MEIS1: variants seen among roughly 807,000 people sequenced by gnomAD.
MEIS1 encodes the protein homeobox protein Meis1.
MEIS1 carries 5 observed loss-of-function variants against 50.8 expected under a neutral mutation model. The ratio of observed to expected loss-of-function variants is 0.10; its 90% CI spans 0.05 to 0.21. The LOEUF is 0.21. Among genes scored for constraint, MEIS1 ranks in the 10% least tolerant of loss-of-function variants. The pLI, the probability that MEIS1 is intolerant of heterozygous loss-of-function variation, is 1.00. For synonymous variants in MEIS1, 176 were observed against 179.3 expected (o/e 0.98, Z 0.15); for missense variants, 318 against 517.3 (o/e 0.61, Z 3.74).
At chr2:66,489,166 A>G (rs1298031886) in intron 7 of MEIS1, among the ~76,000 whole-genome samples, 2 of 152,214 alleles carry the variant, frequency 1.3e-5, no homozygotes, top group African/African-American at 4.8e-5. Flanking sequence ...GATCACCTTC[A>G]TTTAATCCTC....
At chr2:66,510,051 A>T (rs1191345326) in intron 7 of MEIS1, among the ~76,000 whole-genome samples, 1 of 152,192 alleles carries the variant, frequency 6.6e-6, no homozygotes, top group Non-Finnish European at 1.5e-5. Flanking sequence ...TTCATTTTTA[A>T]TCAATGATCA....
In MEIS1 at chr2:66,458,142, A is replaced by T. The variant is rs552845707; in HGVS notation, c.631-5967A>T. On this transcript the variant is annotated intron_variant, in intron 6 of 12. Coordinates refer to ENST00000272369, the MANE Select transcript of MEIS1 (RefSeq NM_002398.3). The stretch of plus-strand genomic sequence containing the variant: ...TTTTGAATGGGACCAGTAGTGTAGA[A>T]GTTTTGAAGAAAAAAAAACTCTATT... 1.4e-4 allele frequency among the ~76,000 whole-genome samples: 22 copies of T among 152,218 alleles called. No homozygotes were observed. The South Asian group carries it at 4.2e-3, about 29-fold the overall frequency.
rs377461971 is a variant in MEIS1 at position 66,511,889 on chromosome 2, AG to A, written c.743-256del. On this transcript the variant is annotated intron_variant, in intron 7 of 12. Transcript: ENST00000272369. ...TAATTACCATAGCAACAAAGCCACAAGGGGATTGGATATTTCCCTCCATTCC... is the reference window on the plus strand; with the variant it reads ...TAATTACCATAGCAACAAAGCCACAAGGGATTGGATATTTCCCTCCATTCC... 3.8e-3 allele frequency among the ~76,000 whole-genome samples: 577 copies of A among 152,304 alleles called. 5 individuals are homozygous for A. Among genetic ancestry groups the A allele is most frequent in the African/African-American group, 0.013 (554 of 41,578 alleles).
chr2:66,462,591 C>T (rs964897061), intron 6 of MEIS1, among the ~76,000 whole-genome samples: 7 of 152,196 alleles, frequency 4.6e-5, no homozygotes, highest in African/African-American at 1.2e-4. Flanking sequence ...TCTGAATAAA[C>T]AAGTCCCCCT....
At chr2:66,436,754 C>G in intron 1 of MEIS1, 1 of 423,062 alleles carries the variant, frequency 2.4e-6, no homozygotes, top group Non-Finnish European at 3.2e-6. Flanking sequence ...CTTTGAAAAT[C>G]ATTTCACTCT....
chr2:66,458,475 G>A (rs1002752888), intron 6 of MEIS1, among the ~76,000 whole-genome samples: 2 of 152,160 alleles, frequency 1.3e-5, no homozygotes. Context: ...ATACCTGTAT[G>A]TAGATACCCC....
At chr2:66,446,784 G>T (rs918694773) in intron 6 of MEIS1, among the ~76,000 whole-genome samples, 1 of 152,222 alleles carries the variant, frequency 6.6e-6, no homozygotes, top group Non-Finnish European at 1.5e-5. Flanking sequence ...CCCGGGGGAC[G>T]GCCGCCGGGG....
intron 9 of MEIS1, among the ~76,000 whole-genome samples, chr2:66,555,376 G>C (rs1675036104): frequency 6.9e-6 from 1 of 144,542 alleles, no homozygotes; most frequent in Non-Finnish European, 1.5e-5. Flanking sequence ...AATCCTGTAT[G>C]TAAGAGCAGA....
chr2:66,528,415 T>C lies in MEIS1; in HGVS notation c.888+16121T>C, dbSNP rs772808117. Among the ~76,000 whole-genome samples the C allele has an allele frequency of 8.5e-5, 13 of 152,228 alleles. No individual in the cohort carries two copies. In the Middle Eastern group the frequency reaches 0.01, roughly 119 times the overall value. On this transcript the variant is annotated intron_variant, in intron 8 of 12. Coordinates refer to ENST00000272369, the MANE Select transcript of MEIS1 (RefSeq NM_002398.3). The stretch of plus-strand genomic sequence containing the variant: ...AGTGGTAAGAAAGTCGAAGAATCCA[T>C]TCCCTACACTAAATCCATCATGGCT...
intron 12 of MEIS1, 84 bp downstream of exon 12, chr2:66,569,229 G>A (rs778803352): frequency 2.0e-5 from 22 of 1,128,024 alleles, no homozygotes; most frequent in Non-Finnish European, 2.6e-5. Flanking sequence ...CTTGCCCATA[G>A]CTTCATGCTT....
chr2:66,509,695 G>A (rs1673777348), intron 7 of MEIS1, among the ~76,000 whole-genome samples: 1 of 152,216 alleles, frequency 6.6e-6, no homozygotes, highest in South Asian at 2.1e-4. Context: ...GTTCTGGTGA[G>A]TGTTACACAT....
chr2:66,442,994 A>G lies in MEIS1; in HGVS notation c.576A>G (p.Gly192=). ...ATTTGGTGATAGACGATAGAGAAGG[A>G]GGATCAAAATCAGACAGTGAAGATA... ...PIDLVIDDRE[G]GSKSDSEDIT... Residue 192 remains glycine (G), a synonymous_variant, in exon 6 of 13, where the codon GGA becomes GGG. Coordinates refer to ENST00000272369, the MANE Select transcript of MEIS1 (RefSeq NM_002398.3). 6.2e-7 allele frequency: 1 copy of G among 1,606,426 alleles called. No homozygotes were observed. Among genetic ancestry groups the G allele is most frequent in the Non-Finnish European group, 8.5e-7 (1 of 1,177,216 alleles).
chr2:66,496,769 A>G (rs1673415216), intron 7 of MEIS1, among the ~76,000 whole-genome samples: 1 of 150,472 alleles, frequency 6.6e-6, no homozygotes. Context: ...TTTCTGTATG[A>G]TTTTCTCCTT....
At chr2:66,550,384 T>C (rs1197157179) in intron 9 of MEIS1, among the ~76,000 whole-genome samples, 1 of 152,230 alleles carries the variant, frequency 6.6e-6, no homozygotes, top group Non-Finnish European at 1.5e-5. Context: ...AGATTGTTTT[T>C]CTTTAGTTTG....
intron 9 of MEIS1, among the ~76,000 whole-genome samples, chr2:66,555,539 T>G (rs2300482): frequency 0.22 from 33,209 of 152,138 alleles, 4,454 homozygotes; most frequent in Non-Finnish European, 0.28. Context: ...GCTTTAGACA[T>G]TAGTAGTTTC....
intron 8 of MEIS1, among the ~76,000 whole-genome samples, chr2:66,543,729 T>G (rs1216558968): frequency 6.6e-6 from 1 of 152,252 alleles, no homozygotes; most frequent in Non-Finnish European, 1.5e-5. Context: ...TAATTTTGTT[T>G]GCTCTCTTAA....
At chr2:66,529,855 A>T (rs538503752) in intron 8 of MEIS1, among the ~76,000 whole-genome samples, 2 of 152,302 alleles carry the variant, frequency 1.3e-5, no homozygotes, top group South Asian at 4.1e-4. Context: ...TCTTTCCTGG[A>T]ATTGCTACTA....
At chr2:66,460,706 T>C (rs969594045) in intron 6 of MEIS1, among the ~76,000 whole-genome samples, 8 of 152,184 alleles carry the variant, frequency 5.3e-5, no homozygotes, top group African/African-American at 1.9e-4. Context: ...TTCAGGTCTT[T>C]CCAGCAAAAG....
chr2:66,521,792 A>T (rs1011616920), intron 8 of MEIS1, among the ~76,000 whole-genome samples: 3 of 152,196 alleles, frequency 2.0e-5, no homozygotes, highest in Admixed American at 6.5e-5. Flanking sequence ...TGTGCGTATA[A>T]TGCTGGCAAA....
Sources: allele counts gnomAD v4.1 joint callset (sites outside exome capture counted in the v4.1 genomes callset), GRCh38; gene constraint gnomAD v4.1.1; transcripts MANE v1.5; gene names NCBI Gene and HGNC (gene_info 2026-07-23, HGNC 2026-07-21).